The following RAPGEF1 variants were observed in gnomAD, a reference collection of about 807,000 sequenced individuals.
RAPGEF1 encodes the protein Rap guanine nucleotide exchange factor 1, also known as CRK SH3-binding GNRP.
In RAPGEF1, 33 loss-of-function variants were observed where a neutral mutation model predicts 143.3. The ratio of observed to expected loss-of-function variants is 0.23; its 90% CI spans 0.17 to 0.31. RAPGEF1 has a LOEUF of 0.31. Ranked by LOEUF, RAPGEF1 falls within the 10% of genes least tolerant of loss-of-function variation. The pLI is 1.00. For synonymous variants in RAPGEF1, 629 were observed against 676.5 expected (o/e 0.93, Z 1.09); for missense variants, 1,199 against 1,645.4 (o/e 0.73, Z 4.69).
intron 5 of RAPGEF1, among the ~76,000 whole-genome samples, chr9:131,636,178 C>A (rs997852786): frequency 1.8e-4 from 27 of 152,224 alleles, no homozygotes; most frequent in African/African-American, 6.0e-4. Flanking sequence ...GTTTACGGTC[C>A]TGCCCCCCTT....
intron 1 of RAPGEF1, among the ~76,000 whole-genome samples, chr9:131,682,042 G>A (rs147385907): frequency 6.6e-6 from 1 of 152,298 alleles, no homozygotes; most frequent in East Asian, 1.9e-4. Flanking sequence ...TAATGGTATC[G>A]GAAGTAATCT....
intron 1 of RAPGEF1, among the ~76,000 whole-genome samples, chr9:131,727,580 C>G (rs1836760638): frequency 6.6e-6 from 1 of 152,158 alleles, no homozygotes; most frequent in Non-Finnish European, 1.5e-5. Context: ...TTCTGGTGAT[C>G]ATGACTCACA....
chr9:131,604,096 C>T (rs1956724050), intron 13 of RAPGEF1, 43 bp from the exon 14 acceptor site: 1 of 1,221,828 alleles, frequency 8.2e-7, no homozygotes, highest in Admixed American at 2.3e-5. Flanking sequence ...GGGCCAGGCC[C>T]TCCAGCCGGC....
chr9:131,722,970 G>C (rs1450076856), intron 1 of RAPGEF1, among the ~76,000 whole-genome samples: 1 of 152,232 alleles, frequency 6.6e-6, no homozygotes. Context: ...GAGGCTGGCA[G>C]ATCACTTGAC....
intron 19 of RAPGEF1, among the ~76,000 whole-genome samples, 165 bp downstream of exon 19, chr9:131,589,713 GAGACACCT>G (rs1953863208): frequency 6.6e-6 from 1 of 152,184 alleles, no homozygotes. Flanking sequence ...GCAGGGTGGA[GAGACACCT>G]CACCCATCTC....
intron 22 of RAPGEF1, among the ~76,000 whole-genome samples, chr9:131,585,529 C>T (rs1952581824): frequency 6.6e-6 from 1 of 152,248 alleles, no homozygotes; most frequent in African/African-American, 2.4e-5. Context: ...TTCTTGCACC[C>T]AGCCAGAGGC....
chr9:131,668,245 G>A (rs551527721), intron 1 of RAPGEF1, among the ~76,000 whole-genome samples: 4 of 152,262 alleles, frequency 2.6e-5, no homozygotes, highest in African/African-American at 2.4e-5. Context: ...TGGAAGGGAC[G>A]CCTCTGAGAC....
At chr9:131,598,529 A>G (rs776097909) in intron 15 of RAPGEF1, 34 of 684,930 alleles carry the variant, frequency 5.0e-5, no homozygotes, top group Non-Finnish European at 8.3e-5. Context: ...CCATCTGTAC[A>G]CGGAAGTGAT....
intron 1 of RAPGEF1, among the ~76,000 whole-genome samples, chr9:131,733,161 C>T (rs1037941864): frequency 3.9e-5 from 6 of 152,096 alleles, no homozygotes; most frequent in Admixed American, 3.9e-4. Context: ...GGACTGCATT[C>T]AAAGAGGCTT....
intron 17 of RAPGEF1, 28 bp from the exon 18 acceptor site, chr9:131,592,211 T>C: frequency 1.3e-6 from 2 of 1,555,840 alleles, no homozygotes; most frequent in Middle Eastern, 1.7e-4. Context: ...TGCAAACTGC[T>C]TGTCTGGGTG....
In RAPGEF1 at chr9:131,626,339, T is replaced by TAAG. The variant is rs755670716; in HGVS notation, c.1282_1284dup (p.Leu428dup). On this transcript the variant is annotated inframe_insertion, in exon 10 of 27. Coordinates refer to ENST00000683357, the MANE Select transcript of RAPGEF1 (RefSeq NM_001377935.1). ...TCCCCCAAAGACTCTGGCAACGGGC[T>TAAG]AAGGTTCCAGGCCGTCTGCTGAGGT... 59 of 1,613,832 alleles carry TAAG rather than the reference T, an allele frequency of 3.7e-5. No homozygotes were observed. Among genetic ancestry groups the TAAG allele is most frequent in the Non-Finnish European group, 4.7e-5 (55 of 1,179,890 alleles).
chr9:131,591,794 T>C (rs1355014371), intron 18 of RAPGEF1, among the ~76,000 whole-genome samples: 3 of 152,200 alleles, frequency 2.0e-5, no homozygotes, highest in Non-Finnish European at 4.4e-5. Flanking sequence ...CATGTCTAAT[T>C]CGTTTTTAGA....
Position 131,628,412 on chromosome 9 carries a change from G to A in RAPGEF1, c.1017+137C>T. On this transcript the variant is annotated intron_variant, in intron 8 of 26. Transcript: ENST00000683357. The surrounding 1 kb of genome is among the most constrained non-coding windows in gnomAD (Gnocchi z 5.7). Reference sequence around the variant, plus strand: ...CCGTGTCCTGGAGAGAGAGGGATGGGTACAAGGTCTCGCACTCCTCGATGT... The same window carrying A: ...CCGTGTCCTGGAGAGAGAGGGATGGATACAAGGTCTCGCACTCCTCGATGT... The A allele has an allele frequency of 8.2e-7, 1 of 1,224,852 alleles. No individual in the cohort carries two copies. The highest frequency in any genetic ancestry group is 1.5e-5 in the South Asian group (1 of 67,356). 75.9% of individuals were successfully genotyped at this position (1,224,852 alleles called of 1,614,324 possible). A position where few individuals can be genotyped will look rare whatever the true frequency, so the allele number is the denominator to read the frequency against.
chr9:131,611,119 G>C (rs1957965613), intron 12 of RAPGEF1, among the ~76,000 whole-genome samples: 1 of 152,170 alleles, frequency 6.6e-6, no homozygotes, highest in Non-Finnish European at 1.5e-5. Context: ...GAGTTCCAAA[G>C]CCAAGTGGTA....
At chr9:131,657,158 T>A (rs941317866) in intron 1 of RAPGEF1, among the ~76,000 whole-genome samples, 1 of 152,038 alleles carries the variant, frequency 6.6e-6, no homozygotes, top group Non-Finnish European at 1.5e-5. Context: ...TGCTTTGCGA[T>A]AGCAGGGTGG....
At chr9:131,656,103 G>A (rs1181203426) in intron 1 of RAPGEF1, among the ~76,000 whole-genome samples, 4 of 152,116 alleles carry the variant, frequency 2.6e-5, no homozygotes, top group Admixed American at 6.5e-5. Flanking sequence ...CACGGCACCC[G>A]CTCAACACAA....
chr9:131,614,140 A>AT (rs1554821343), intron 12 of RAPGEF1, among the ~76,000 whole-genome samples: 1 of 142,630 alleles, frequency 7.0e-6, no homozygotes, highest in Non-Finnish European at 1.5e-5. Context: ...GTGCACCAAC[A>AT]CCCCCCCCCA....
intron 3 of RAPGEF1, among the ~76,000 whole-genome samples, chr9:131,649,126 G>A (rs796349612): frequency 6.6e-6 from 1 of 151,372 alleles, no homozygotes. Context: ...TCTGCCGCCC[G>A]GGTTCAAGTG....
At chr9:131,668,457 A>G (rs1232951249) in intron 1 of RAPGEF1, among the ~76,000 whole-genome samples, 1 of 152,220 alleles carries the variant, frequency 6.6e-6, no homozygotes, top group Non-Finnish European at 1.5e-5. Context: ...CCTCATGCTA[A>G]CATCAGAGGG....
Sources: allele counts gnomAD v4.1 joint callset (sites outside exome capture counted in the v4.1 genomes callset), GRCh38; gene constraint gnomAD v4.1.1; non-coding constraint Gnocchi (gnomAD v3.1); transcripts MANE v1.5; gene names NCBI Gene and HGNC (gene_info 2026-07-23, HGNC 2026-07-21).